The following DOCK9 variants were observed in gnomAD, a reference collection of about 807,000 sequenced individuals.
The protein encoded by DOCK9 is dedicator of cytokinesis 9.
DOCK9 carries 89 observed loss-of-function variants against 263.3 expected under a neutral mutation model. That is an observed-to-expected ratio of 0.34 (90% CI 0.28 to 0.40). The LOEUF (loss-of-function observed/expected upper bound fraction) is 0.40. Among genes scored for constraint, DOCK9 ranks in the 10% least tolerant of loss-of-function variants. The pLI, the probability that DOCK9 is intolerant of heterozygous loss-of-function variation, is 1.00. For synonymous variants in DOCK9, 976 were observed against 973.1 expected (o/e 1.00, Z -0.06); for missense variants, 2,140 against 2,603.4 (o/e 0.82, Z 3.87).
chr13:98,995,234 G>A (rs1880729638), intron 1 of DOCK9, among the ~76,000 whole-genome samples: 1 of 152,122 alleles, frequency 6.6e-6, no homozygotes, highest in African/African-American at 2.4e-5. Flanking sequence ...GCTAATGCTG[G>A]GGTGTCGTGT....
intron 1 of DOCK9, among the ~76,000 whole-genome samples, chr13:99,008,464 C>T (rs542220050): frequency 2.0e-5 from 3 of 152,056 alleles, no homozygotes; most frequent in Non-Finnish European, 4.4e-5. Flanking sequence ...AATCTCCTGA[C>T]CTCAGGTGAT....
At chr13:99,045,735 G>A (rs576056674) in intron 1 of DOCK9, among the ~76,000 whole-genome samples, 31 of 152,026 alleles carry the variant, frequency 2.0e-4, no homozygotes, top group Admixed American at 2.0e-3. Context: ...GTCAAAAAAT[G>A]CATATATAAA....
At chr13:99,077,829 G>C (rs1419298442) in intron 1 of DOCK9, among the ~76,000 whole-genome samples, 1 of 152,214 alleles carries the variant, frequency 6.6e-6, no homozygotes, top group Non-Finnish European at 1.5e-5. Flanking sequence ...GGACAATATG[G>C]AACTAGGCTC....
intron 1 of DOCK9, among the ~76,000 whole-genome samples, chr13:99,013,608 G>A (rs991370212): frequency 6.6e-6 from 1 of 152,142 alleles, no homozygotes; most frequent in African/African-American, 2.4e-5. Context: ...CACTGAGAAG[G>A]GGGTCTGAGC....
intron 23 of DOCK9, 99 bp from the exon 24 acceptor site, chr13:98,882,106 T>TGTTTTAGAGGG: frequency 1.0e-6 from 1 of 997,850 alleles, no homozygotes; most frequent in Non-Finnish European, 1.5e-6. Context: ...GAACTCCCTC[T>TGTTTTAGAGGG]AAAACAAAGG....
At chr13:98,841,260 G>A (rs566047767) in intron 38 of DOCK9, among the ~76,000 whole-genome samples, 92 of 152,312 alleles carry the variant, frequency 6.0e-4, no homozygotes, top group African/African-American at 2.2e-3. Context: ...CATACCATCA[G>A]CTTTCTCTTC....
At chr13:98,870,727 GA>G (rs1052762977) in intron 27 of DOCK9, among the ~76,000 whole-genome samples, 1 of 151,700 alleles carries the variant, frequency 6.6e-6, no homozygotes, top group African/African-American at 2.4e-5. Flanking sequence ...ATCCTTGCCA[GA>G]AAAAAAATCA....
chr13:98,974,471 C>T (rs1366573560), intron 1 of DOCK9, among the ~76,000 whole-genome samples: 1 of 152,054 alleles, frequency 6.6e-6, no homozygotes, highest in East Asian at 1.9e-4. Flanking sequence ...AACTTTTAGC[C>T]GGTCGCAGTG....
In DOCK9 at chr13:98,901,807, G is replaced by C; in HGVS notation, c.1474C>G (p.Pro492Ala). 6.2e-7 allele frequency: 1 copy of C among 1,612,566 alleles called. No homozygotes were observed. Among genetic ancestry groups the C allele is most frequent in the East Asian group, 2.2e-5 (1 of 44,832 alleles). ...GAAGAGTCTGAACTTTTCATATATG[G>C]CTCAGCGCAATGTGTGATGCTCCCC... The part of the protein sequence containing the change: ...LQGSITHCAE[P>A]YMKSSDSSKV... The change falls in exon 13 of 53, where the codon CCA (proline) becomes GCA (alanine). Residue 492 changes from proline to alanine, a missense_variant. Physicochemically the swap from Pro to Ala is conservative, Grantham distance 27 (BLOSUM62 -1). Transcript: ENST00000682017.
rs548059707 is a variant in DOCK9, at chr13:98,868,555, G to A, written c.2944-178C>T. On this transcript the variant is annotated intron_variant, in intron 27 of 52. Transcript: ENST00000682017. ...AAGTTGGGAGGATCACTTGAGCCCA[G>A]GGGTTTAAGACCAGCCCAGGCAACA... Among the ~76,000 whole-genome samples, 3 of 152,296 alleles carry A rather than the reference G, an allele frequency of 2.0e-5. No individual in the cohort carries two copies. In the East Asian group the frequency reaches 5.8e-4, roughly 29 times the overall value.
chr13:98,843,330 C>G (rs576739340), intron 38 of DOCK9, among the ~76,000 whole-genome samples: 1 of 151,660 alleles, frequency 6.6e-6, no homozygotes, highest in Non-Finnish European at 1.5e-5. Context: ...CAAAAAATAC[C>G]CAGGTAGAGA....
chr13:98,838,742 T>C (rs996482573), intron 38 of DOCK9, among the ~76,000 whole-genome samples: 6 of 152,174 alleles, frequency 3.9e-5, no homozygotes, highest in African/African-American at 1.4e-4. Flanking sequence ...GATGGCAATA[T>C]AATAAAACAC....
intron 1 of DOCK9, among the ~76,000 whole-genome samples, chr13:99,008,393 C>A (rs1284060840): frequency 1.3e-5 from 2 of 151,810 alleles, no homozygotes; most frequent in Non-Finnish European, 2.9e-5. Flanking sequence ...GCCACCACAC[C>A]CAGCTAATTT....
chr13:98,861,682 T>C (rs1053701389), intron 32 of DOCK9, among the ~76,000 whole-genome samples: 3 of 152,146 alleles, frequency 2.0e-5, no homozygotes, highest in Admixed American at 1.3e-4. Context: ...AGAATCCTTT[T>C]TAAAAAACAA....
Position 98,810,259 on chromosome 13 carries a change from T to C in DOCK9, c.5163A>G (p.Ala1721=), listed in dbSNP as rs770465239. The C allele has an allele frequency of 1.9e-6, 3 of 1,613,850 alleles. No individual in the cohort carries two copies. The highest frequency in any genetic ancestry group is 2.5e-6 in the Non-Finnish European group (3 of 1,179,890). Residue 1721 remains alanine (A), a synonymous_variant, in exon 46 of 53, where the codon GCA becomes GCG. Coordinates refer to ENST00000682017, the MANE Select transcript of DOCK9 (RefSeq NM_001366683.2). The part of the protein sequence containing the change: ...DVLMELLEQC[A]DGLWKAERYE... ...AGCGCTCGGCTTTCCAGAGTCCATC[T>C]GCGCACTGCTCAAGGAGCTCCATCA...
intron 1 of DOCK9, among the ~76,000 whole-genome samples, chr13:99,036,571 C>T (rs980445972): frequency 6.6e-6 from 1 of 152,118 alleles, no homozygotes; most frequent in Admixed American, 6.5e-5. Context: ...GAGACAGAGT[C>T]TTGCTCTGTC....
intron 1 of DOCK9, among the ~76,000 whole-genome samples, chr13:98,993,240 CAG>C (rs1409055263): frequency 2.6e-5 from 4 of 152,180 alleles, no homozygotes; most frequent in Admixed American, 2.6e-4. Context: ...GGGTAAATGA[CAG>C]GGGCATAATA....
chr13:99,083,794 G>A (rs2042222247), intron 1 of DOCK9, among the ~76,000 whole-genome samples: 1 of 145,856 alleles, frequency 6.9e-6, no homozygotes, highest in Non-Finnish European at 1.5e-5. Flanking sequence ...ATCATCCACT[G>A]AACTATTTCA....
At chr13:99,062,110 G>A (rs920838898) in intron 1 of DOCK9, among the ~76,000 whole-genome samples, 43 of 152,008 alleles carry the variant, frequency 2.8e-4, no homozygotes, top group Non-Finnish European at 7.4e-5. Context: ...GAGCCCAAGT[G>A]GTCCTCCCAC....
Sources: allele counts gnomAD v4.1 joint callset (sites outside exome capture counted in the v4.1 genomes callset), GRCh38; gene constraint gnomAD v4.1.1; transcripts MANE v1.5; gene names NCBI Gene and HGNC (gene_info 2026-07-23, HGNC 2026-07-21).